The following TRIO variants were observed in gnomAD, a reference collection of about 807,000 sequenced individuals.
TRIO encodes trio Rho guanine nucleotide exchange factor.
A neutral mutation model predicts 351.9 loss-of-function variants in TRIO; 58 were observed. The observed-to-expected ratio is 0.16, with a 90% CI of 0.13 to 0.21. The LOEUF (loss-of-function observed/expected upper bound fraction) is 0.21. Ranked by LOEUF, TRIO falls within the 10% of genes least tolerant of loss-of-function variation. TRIO has a pLI of 1.00. For missense variants in TRIO, 3,201 were observed against 4,027.8 expected (o/e 0.79, Z 5.56); for synonymous variants, 1,758 against 1,595.7 (o/e 1.10, Z -2.42).
chr5:14,293,514 A>G (rs1035579406), intron 6 of TRIO, among the ~76,000 whole-genome samples: 4 of 152,200 alleles, frequency 2.6e-5, no homozygotes, highest in African/African-American at 9.7e-5. Context: ...GCTGCTGTTC[A>G]TGACAGCGAA....
intron 8 of TRIO, among the ~76,000 whole-genome samples, chr5:14,311,128 C>T (rs1738889679): frequency 6.6e-6 from 1 of 152,250 alleles, no homozygotes; most frequent in African/African-American, 2.4e-5. Flanking sequence ...CCAAACTCAG[C>T]TTGAGGCCTT....
In TRIO at chr5:14,206,705, G is replaced by A. The variant is rs187755313; in HGVS notation, c.157+62823G>A. ...AAGTACATATTCGTTATCTGCGTGA[G>A]ACAGTACAGATTGGTGTATAGTATT... On this transcript the variant is annotated intron_variant, in intron 1 of 56. Coordinates refer to ENST00000344204, the MANE Select transcript of TRIO (RefSeq NM_007118.4). Among the ~76,000 whole-genome samples, 8 of 152,320 alleles carry A rather than the reference G, an allele frequency of 5.3e-5. No individual in the cohort carries two copies. In the East Asian group the frequency reaches 7.7e-4, roughly 15 times the overall value.
In TRIO at chr5:14,438,587, C is replaced by CG. The variant is rs147669344; in HGVS notation, c.5203+18566_5203+18567insG. 4.9e-3 allele frequency among the ~76,000 whole-genome samples: 751 copies of CG among 152,364 alleles called. 9 individuals are homozygous for CG. The highest frequency in any genetic ancestry group is 7.1e-3 in the Non-Finnish European group (485 of 68,040). ...TTCTTCCCACGGTCTGTTGAGGTCACTAACCCCTGTGTCGTCTTCTCCTGA... is the reference window on the plus strand; with the variant it reads ...TTCTTCCCACGGTCTGTTGAGGTCACGTAACCCCTGTGTCGTCTTCTCCTGA... On this transcript the variant is annotated intron_variant, in intron 34 of 56. Coordinates refer to ENST00000344204, the MANE Select transcript of TRIO (RefSeq NM_007118.4).
chr5:14,389,803 C>G (rs1259058194), intron 25 of TRIO, among the ~76,000 whole-genome samples: 1 of 152,098 alleles, frequency 6.6e-6, no homozygotes, highest in Non-Finnish European at 1.5e-5. Flanking sequence ...TGTATTCTGA[C>G]CAAAATAAAA....
At chr5:14,411,334 A>G (rs1242775350) in intron 33 of TRIO, among the ~76,000 whole-genome samples, 1 of 152,222 alleles carries the variant, frequency 6.6e-6, no homozygotes, top group Non-Finnish European at 1.5e-5. Flanking sequence ...AAGAAAATAG[A>G]AAACATGGAA....
chr5:14,253,238 A>C lies in TRIO; in HGVS notation c.158-17587A>C, dbSNP rs577662277. On this transcript the variant is annotated intron_variant, in intron 1 of 56. Coordinates refer to ENST00000344204, the MANE Select transcript of TRIO (RefSeq NM_007118.4). ...TTTAAGAAATACTTATTTATGGCTT[A>C]TTTTTAAATGCCTATTTAGGGGTAT... Among the ~76,000 whole-genome samples, 3 of 152,334 alleles carry C rather than the reference A, an allele frequency of 2.0e-5. No individual in the cohort carries two copies. The South Asian group carries it at 6.2e-4, about 32-fold the overall frequency.
chr5:14,451,841 T>G (rs1027613405), intron 34 of TRIO, among the ~76,000 whole-genome samples: 1 of 152,208 alleles, frequency 6.6e-6, no homozygotes, highest in Non-Finnish European at 1.5e-5. Context: ...CTGGTTAGAG[T>G]TTTTATCAAG....
rs1755820313 is a variant in TRIO at position 14,485,057 on chromosome 5, T to A, written c.6658-12T>A. ...TGTTAGCTATTATGAATAATGTTTT[T>A]TTTTTTTTAAGGTGAGTTGCCTTTG... On this transcript the variant is annotated splice_polypyrimidine_tract_variant and intron_variant, in intron 46 of 56. Coordinates refer to ENST00000344204, the MANE Select transcript of TRIO (RefSeq NM_007118.4). 1 of 1,531,368 alleles carries A rather than the reference T, an allele frequency of 6.5e-7. No individual in the cohort carries two copies. The highest frequency in any genetic ancestry group is 8.8e-7 in the Non-Finnish European group (1 of 1,134,852). 94.9% of individuals were successfully genotyped at this position (1,531,368 alleles called of 1,614,324 possible).
At chr5:14,273,111 A>G (rs1266051493) in intron 2 of TRIO, among the ~76,000 whole-genome samples, 1 of 152,130 alleles carries the variant, frequency 6.6e-6, no homozygotes, top group Non-Finnish European at 1.5e-5. Flanking sequence ...AGCACTGGCA[A>G]TCACTAATTT....
chr5:14,478,846 T>G (rs6863759), intron 41 of TRIO, among the ~76,000 whole-genome samples: 1 of 151,318 alleles, frequency 6.6e-6, no homozygotes, highest in South Asian at 2.1e-4. Context: ...TCTGTAATCC[T>G]AGCTACTCAG....
chr5:14,471,088 A>G (rs1229096447), intron 37 of TRIO, among the ~76,000 whole-genome samples: 1 of 129,498 alleles, frequency 7.7e-6, no homozygotes, highest in Non-Finnish European at 1.6e-5. Flanking sequence ...ATGTATGTAA[A>G]TTCACTATCC....
At chr5:14,375,297 C>A (rs1349646201) in intron 19 of TRIO, among the ~76,000 whole-genome samples, 2 of 152,190 alleles carry the variant, frequency 1.3e-5, no homozygotes, top group East Asian at 3.9e-4. Context: ...TTATTTGGCT[C>A]ATTTCCTGTA....
chr5:14,376,781 G>A (rs1745602027), intron 19 of TRIO, among the ~76,000 whole-genome samples: 1 of 152,158 alleles, frequency 6.6e-6, no homozygotes, highest in African/African-American at 2.4e-5. Flanking sequence ...CAGTTCAAAG[G>A]AATGCATGCA....
At chr5:14,476,054 T>A (rs1755051578) in intron 40 of TRIO, among the ~76,000 whole-genome samples, 1 of 152,240 alleles carries the variant, frequency 6.6e-6, no homozygotes, top group African/African-American at 2.4e-5. Flanking sequence ...GGAGCTGATG[T>A]TTATAACCTA....
At chr5:14,318,951 C>G (rs151277327) in intron 9 of TRIO, among the ~76,000 whole-genome samples, 1 of 152,120 alleles carries the variant, frequency 6.6e-6, no homozygotes. Context: ...TCTCATGGCT[C>G]TTCTTTCTCT....
At chr5:14,442,924 A>T (rs1752178639) in intron 34 of TRIO, among the ~76,000 whole-genome samples, 2 of 152,192 alleles carry the variant, frequency 1.3e-5, no homozygotes, top group Non-Finnish European at 2.9e-5. Context: ...CCCTCAGGAT[A>T]TCATAAACAT....
At chr5:14,274,263 C>G (rs762472616) in intron 2 of TRIO, among the ~76,000 whole-genome samples, 1 of 152,140 alleles carries the variant, frequency 6.6e-6, no homozygotes. Flanking sequence ...CAGGTGTCTT[C>G]CTGTGGATTT....
At chr5:14,246,983 C>T (rs1483133550) in intron 1 of TRIO, among the ~76,000 whole-genome samples, 1 of 152,242 alleles carries the variant, frequency 6.6e-6, no homozygotes, top group Non-Finnish European at 1.5e-5. Context: ...CTCCTGGCCT[C>T]GCTCCTTGGT....
chr5:14,342,931 C>A (rs770680320), intron 11 of TRIO, among the ~76,000 whole-genome samples: 12 of 152,048 alleles, frequency 7.9e-5, no homozygotes, highest in Non-Finnish European at 1.6e-4. Flanking sequence ...GGAGTTATGC[C>A]CAAATAAGTC....
Sources: allele counts gnomAD v4.1 joint callset (sites outside exome capture counted in the v4.1 genomes callset), GRCh38; gene constraint gnomAD v4.1.1; transcripts MANE v1.5; gene names NCBI Gene and HGNC (gene_info 2026-07-23, HGNC 2026-07-21).